Variants in NRXN1 observed in about 807,000 individuals in gnomAD.
NRXN1 encodes neurexin-1.
Under a neutral mutation model 150.9 loss-of-function variants are expected in NRXN1, and 39 were observed. The observed-to-expected ratio is 0.26, with a 90% confidence interval of 0.20 to 0.34. The LOEUF (loss-of-function observed/expected upper bound fraction) is 0.34. NRXN1 is among the 10% of genes least tolerant of loss of function. NRXN1 has a pLI of 1.00. For missense variants in NRXN1, 1,815 were observed against 1,949.9 expected (o/e 0.93, Z 1.30); for synonymous variants, 924 against 757.0 (o/e 1.22, Z -3.62).
At chr2:50,362,878 G>C (rs948547563) in intron 17 of NRXN1, among the ~76,000 whole-genome samples, 7 of 152,110 alleles carry the variant, frequency 4.6e-5, no homozygotes, top group Admixed American at 4.6e-4. Context: ...GCATGGTACT[G>C]GTACCAAAAC....
chr2:50,220,093 C>T (rs1337870381), intron 18 of NRXN1, among the ~76,000 whole-genome samples: 40 of 144,266 alleles, frequency 2.8e-4, no homozygotes, highest in African/African-American at 9.9e-4. Context: ...TTCTTAAAGG[C>T]AGACTTAGAG....
At chr2:50,859,802 T>C (rs898422824) in intron 5 of NRXN1, among the ~76,000 whole-genome samples, 4 of 148,836 alleles carry the variant, frequency 2.7e-5, no homozygotes, top group African/African-American at 4.9e-5. Flanking sequence ...ACATATTATA[T>C]ACACACACAC....
At chr2:50,113,797 C>T (rs960598974) in intron 18 of NRXN1, among the ~76,000 whole-genome samples, 2 of 152,164 alleles carry the variant, frequency 1.3e-5, no homozygotes, top group African/African-American at 2.4e-5. Flanking sequence ...CCTGACACCA[C>T]TAGATTTGGG....
chr2:50,368,711 GA>G lies in NRXN1; in HGVS notation c.3364+96730del, dbSNP rs891171665. ...TCTTTAAGGATTTTCATATAGAAGA[GA>G]AGTAGGCTAATTTTTTATTGGCCTT... On this transcript the variant is annotated intron_variant, in intron 17 of 22. Transcript: ENST00000401669. Among the ~76,000 whole-genome samples the G allele has an allele frequency of 7.4e-4, 112 of 152,078 alleles. 1 individual carries two copies. The highest frequency in any genetic ancestry group is 2.6e-3 in the African/African-American group (106 of 41,554).
chr2:50,465,410 G>A (rs771731367), intron 17 of NRXN1, 32 bp downstream of exon 17: 5 of 1,565,770 alleles, frequency 3.2e-6, no homozygotes, highest in Middle Eastern at 3.4e-4. Context: ...AAGCAACGAT[G>A]AGTATCAGTC....
chr2:50,554,829 T>C (rs1302166486), intron 8 of NRXN1, among the ~76,000 whole-genome samples: 2 of 152,194 alleles, frequency 1.3e-5, no homozygotes, highest in South Asian at 2.1e-4. Flanking sequence ...AGGATTATAA[T>C]AAAGAACATG....
chr2:50,112,337 T>C (rs1321221664), intron 18 of NRXN1, among the ~76,000 whole-genome samples: 3 of 152,170 alleles, frequency 2.0e-5, no homozygotes, highest in Non-Finnish European at 1.5e-5. Flanking sequence ...GAAGATGAAA[T>C]TTACATAGGA....
intron 8 of NRXN1, among the ~76,000 whole-genome samples, chr2:50,609,590 C>T (rs189147298): frequency 2.6e-4 from 39 of 152,216 alleles, no homozygotes; most frequent in Admixed American, 7.9e-4. Flanking sequence ...TATCTTACCT[C>T]AGGTGATACA....
intron 12 of NRXN1, among the ~76,000 whole-genome samples, chr2:50,520,358 A>G (rs11903962): frequency 0.037 from 5,663 of 151,942 alleles, 329 homozygotes; most frequent in African/African-American, 0.13. Flanking sequence ...CTTTATCCTA[A>G]ATATTGGTGG....
In NRXN1 at chr2:50,414,988, C is replaced by A. The variant is rs2083437138; in HGVS notation, c.3364+50454G>T. Among the ~76,000 whole-genome samples the A allele has an allele frequency of 2.0e-5, 3 of 152,100 alleles. No homozygotes were observed. In the South Asian group the frequency reaches 6.2e-4, roughly 32 times the overall value. ...TACTGAAGCTCTTTCAATGGACACC[C>A]TTCATCTTTCCCATTACTCTCTTGT... is the stretch of plus-strand genomic sequence containing the variant. On this transcript the variant is annotated intron_variant, in intron 17 of 22. Transcript: ENST00000401669.
intron 17 of NRXN1, among the ~76,000 whole-genome samples, chr2:50,317,789 A>C (rs1484184625): frequency 1.3e-5 from 2 of 152,024 alleles, no homozygotes; most frequent in Non-Finnish European, 2.9e-5. Flanking sequence ...AAAGCCACCA[A>C]CAACATGTCA....
intron 18 of NRXN1, among the ~76,000 whole-genome samples, chr2:50,205,254 A>C (rs1712886): frequency 0.47 from 71,881 of 151,796 alleles, 17,420 homozygotes; most frequent in Middle Eastern, 0.54. Context: ...TTATCATCTG[A>C]AAAATGAAAA....
At chr2:50,044,119 G>T (rs1289733189) in intron 21 of NRXN1, among the ~76,000 whole-genome samples, 4 of 152,150 alleles carry the variant, frequency 2.6e-5, no homozygotes, top group Admixed American at 2.6e-4. Context: ...CAAAGAATGT[G>T]GCAAAACAAA....
chr2:50,274,316 T>C (rs911282020), intron 17 of NRXN1, among the ~76,000 whole-genome samples: 5 of 152,190 alleles, frequency 3.3e-5, no homozygotes, highest in Non-Finnish European at 7.3e-5. Context: ...AAACACTGCA[T>C]GTTCTCACTC....
At chr2:50,920,084 T>A in intron 5 of NRXN1, 1 of 274,084 alleles carries the variant, frequency 3.6e-6, no homozygotes, top group South Asian at 3.3e-5. Flanking sequence ...GGTACCAATG[T>A]GATTTGCAAA....
At position 50,616,316 on chromosome 2, in the gene NRXN1, T is replaced by C. The variant is rs568315169; in HGVS notation, c.1320+3706A>G. ...AGCTAATCTTATTTTATTTTGAAAT[T>C]TGATAATCACATACACAAAAGTAAC... is the stretch of plus-strand genomic sequence containing the variant. On this transcript the variant is annotated intron_variant, in intron 8 of 22. Transcript: ENST00000401669. 3.3e-5 allele frequency: 5 copies of C among 152,286 alleles called. No individual in the cohort carries two copies. In the East Asian group the frequency reaches 5.8e-4, roughly 18 times the overall value. The allele number at this position is 152,286 out of a possible 1,614,324, so 9.4% of individuals were successfully genotyped here.
chr2:50,985,522 T>C (rs1575131075), intron 2 of NRXN1: 1 of 151,652 alleles, frequency 6.6e-6, no homozygotes, highest in Non-Finnish European at 1.5e-5. Context: ...AAAAATACAA[T>C]GTTTTAAGAT....
At chr2:50,738,305 T>C (rs1699016114) in intron 5 of NRXN1, among the ~76,000 whole-genome samples, 1 of 152,220 alleles carries the variant, frequency 6.6e-6, no homozygotes, top group Non-Finnish European at 1.5e-5. Flanking sequence ...CCTAACTATT[T>C]GCTACTGACC....
rs183213202 is a variant in NRXN1, at chr2:49,919,632, G to C, written c.*2312C>G. The C allele has an allele frequency of 5.9e-5, 9 of 151,420 alleles. No individual in the cohort carries two copies. Among genetic ancestry groups the C allele is most frequent in the African/African-American group, 1.7e-4 (7 of 41,330 alleles). 9.4% of individuals were successfully genotyped at this position (151,420 alleles called of 1,614,324 possible). On this transcript the variant is annotated 3_prime_UTR_variant, in exon 23 of 23. Coordinates refer to ENST00000401669, the MANE Select transcript of NRXN1 (RefSeq NM_001330078.2). ...TTCTTATTTAACTGGCTTTCCCTGAGTAAGACTGAATGAGACGGGGGAAAA... is the reference window on the plus strand; with the variant it reads ...TTCTTATTTAACTGGCTTTCCCTGACTAAGACTGAATGAGACGGGGGAAAA...
Sources: gnomAD v4.1 joint callset for allele counts (sites outside exome capture counted in the v4.1 genomes callset) on GRCh38, gnomAD v4.1.1 for gene constraint, MANE v1.5 for transcripts, NCBI Gene and HGNC (gene_info 2026-07-23, HGNC 2026-07-21) for gene names.